Variants in GIGYF2 observed in about 807,000 individuals in gnomAD.
GIGYF2 encodes the protein GRB10-interacting GYF protein 2.
Under a neutral mutation model 208.1 loss-of-function variants are expected in GIGYF2, and 25 were observed. The observed-to-expected ratio is 0.12, with a 90% CI of 0.09 to 0.17. The LOEUF is 0.17. Among genes scored for constraint, GIGYF2 ranks in the 10% least tolerant of loss-of-function variants. The probability of loss-of-function intolerance (pLI) is 1.00; values close to 1 mark genes in which losing one functional copy is unlikely to be tolerated. For missense variants in GIGYF2, 1,302 were observed against 1,579.4 expected (o/e 0.82, Z 2.98); for synonymous variants, 534 against 543.8 (o/e 0.98, Z 0.25).
intron 8 of GIGYF2, among the ~76,000 whole-genome samples, chr2:232,762,311 GGT>G (rs1319191140): frequency 6.7e-6 from 1 of 149,488 alleles, no homozygotes; most frequent in Non-Finnish European, 1.5e-5. Context: ...GGAGTGCAAT[GGT>G]GTGGTCTCGG....
intron 2 of GIGYF2, among the ~76,000 whole-genome samples, chr2:232,731,614 A>C (rs1188625081): frequency 6.6e-6 from 1 of 152,170 alleles, no homozygotes; most frequent in Non-Finnish European, 1.5e-5. Flanking sequence ...AAACACACTG[A>C]ATTGATTTAT....
Position 232,778,004 on chromosome 2 carries a change from T to C in GIGYF2, c.533-9146T>C, listed in dbSNP as rs185925916. ...CTGTGTCACCCAGGCTGGAGTGCAG[T>C]GGTGTGATCACAGCTCACTGCAGCC... On this transcript the variant is annotated intron_variant, in intron 8 of 28. Transcript: ENST00000373563. Among the ~76,000 whole-genome samples, 9 of 152,216 alleles carry C rather than the reference T, an allele frequency of 5.9e-5. No homozygotes were observed. The East Asian group carries it at 1.7e-3, about 29-fold the overall frequency.
chr2:232,785,700 T>C (rs148131837), intron 8 of GIGYF2, among the ~76,000 whole-genome samples: 16 of 152,266 alleles, frequency 1.1e-4, no homozygotes, highest in African/African-American at 3.6e-4. Flanking sequence ...TGTCTTCCAT[T>C]CTCCCAAGAT....
At chr2:232,840,132 C>G (rs984774597) in intron 23 of GIGYF2, among the ~76,000 whole-genome samples, 161 bp downstream of exon 23, 4 of 152,126 alleles carry the variant, frequency 2.6e-5, no homozygotes, top group African/African-American at 9.7e-5. Flanking sequence ...GTTACCCTAG[C>G]AAATGTGAAG....
In GIGYF2 at chr2:232,749,002, C is replaced by T. The variant is rs1185342023; in HGVS notation, c.187C>T (p.Leu63=). Residue 63 remains leucine, a synonymous_variant, in exon 5 of 29, where the codon CTG becomes TTG. Coordinates refer to ENST00000373563, the MANE Select transcript of GIGYF2 (RefSeq NM_001103146.3). The stretch of plus-strand genomic sequence containing the variant: ...GGTCCTACAGATACCTTCAGACCTT[C>T]TGGATAAAGAATTTCTGCCTATCCT... ...LKDNKIPSDL[L]DKEFLPILQE... The T allele has an allele frequency of 1.3e-6, 2 of 1,578,910 alleles. No homozygotes were observed. Among genetic ancestry groups the T allele is most frequent in the East Asian group, 2.2e-5 (1 of 44,710 alleles).
chr2:232,710,406 A>T (rs1352874720), intron 2 of GIGYF2, among the ~76,000 whole-genome samples: 1 of 152,152 alleles, frequency 6.6e-6, no homozygotes, highest in Admixed American at 6.5e-5. Flanking sequence ...TGCGTTTTGA[A>T]TAGACATGTC....
chr2:232,797,826 C>T (rs563491802), intron 14 of GIGYF2, among the ~76,000 whole-genome samples: 5 of 151,930 alleles, frequency 3.3e-5, no homozygotes, highest in South Asian at 2.1e-4. Context: ...ACTAAAAATA[C>T]GAAAATTAGC....
intron 8 of GIGYF2, among the ~76,000 whole-genome samples, chr2:232,764,768 T>C (rs1330794138): frequency 6.6e-6 from 1 of 152,234 alleles, no homozygotes; most frequent in East Asian, 1.9e-4. Context: ...AGTGAGTTGA[T>C]AGAACAATAG....
chr2:232,852,858 A>T (rs1056689709), intron 28 of GIGYF2, among the ~76,000 whole-genome samples: 23 of 152,340 alleles, frequency 1.5e-4, no homozygotes, highest in African/African-American at 5.5e-4. Flanking sequence ...GACCGTTTGG[A>T]CTTAAATATT....
In GIGYF2 at chr2:232,836,286, A is replaced by T. The variant is rs530690836; in HGVS notation, c.2766+3193A>T. Among the ~76,000 whole-genome samples the T allele has an allele frequency of 1.5e-3, 10 of 6,488 alleles. 1 individual carries two copies. The highest frequency in any genetic ancestry group is 3.7e-3 in the African/African-American group (6 of 1,600). The allele number at this position is 6,488 out of a possible 152,430, so 4.3% of individuals were successfully genotyped here. ...TACATATATATATATATATATATAT[A>T]TATATATATATATATATATATATAT... On this transcript the variant is annotated intron_variant, in intron 22 of 28. Transcript: ENST00000373563.
chr2:232,828,471 G>C (rs112967879), intron 21 of GIGYF2, among the ~76,000 whole-genome samples: 2,732 of 149,616 alleles, frequency 0.018, 89 homozygotes, highest in African/African-American at 0.064. Flanking sequence ...TCGTTTGTTT[G>C]AGTCCAGGTC....
chr2:232,712,283 C>A (rs181570087), intron 2 of GIGYF2, among the ~76,000 whole-genome samples: 1 of 152,202 alleles, frequency 6.6e-6, no homozygotes, highest in East Asian at 1.9e-4. Flanking sequence ...AGCTTGTAAC[C>A]CAAAACAATT....
chr2:232,704,550 A>G (rs917743851), intron 2 of GIGYF2, among the ~76,000 whole-genome samples: 3 of 151,700 alleles, frequency 2.0e-5, no homozygotes, highest in African/African-American at 7.3e-5. Context: ...GATTACAGGT[A>G]TTCGCCACCA....
At chr2:232,837,979 G>C (rs1701696903) in intron 22 of GIGYF2, among the ~76,000 whole-genome samples, 1 of 152,090 alleles carries the variant, frequency 6.6e-6, no homozygotes, top group South Asian at 2.1e-4. Context: ...ATTTGCTTTT[G>C]ATTTGTCAAA....
chr2:232,796,420 C>T (rs1700224676), intron 14 of GIGYF2, among the ~76,000 whole-genome samples, 199 bp downstream of exon 14: 1 of 152,202 alleles, frequency 6.6e-6, no homozygotes, highest in South Asian at 2.1e-4. Context: ...TTGCATTGTA[C>T]ATACCAGTTG....
chr2:232,711,976 C>G, intron 2 of GIGYF2, among the ~76,000 whole-genome samples: 1 of 151,596 alleles, frequency 6.6e-6, no homozygotes, highest in East Asian at 1.9e-4. Flanking sequence ...GAATGGATAT[C>G]TTACATTATA....
At chr2:232,746,324 G>A (rs1698149881) in intron 3 of GIGYF2, among the ~76,000 whole-genome samples, 1 of 151,848 alleles carries the variant, frequency 6.6e-6, no homozygotes, top group African/African-American at 2.4e-5. Flanking sequence ...GTTTTACTTG[G>A]CCTTCATATT....
At chr2:232,763,405 A>G (rs1698823901) in intron 8 of GIGYF2, among the ~76,000 whole-genome samples, 1 of 152,238 alleles carries the variant, frequency 6.6e-6, no homozygotes, top group Non-Finnish European at 1.5e-5. Flanking sequence ...ACTGAATCCC[A>G]TAAATACTGT....
chr2:232,729,804 T>C lies in GIGYF2; in HGVS notation c.-43-5351T>C, dbSNP rs921921041. 2.3e-5 allele frequency: 17 copies of C among 747,484 alleles called. No individual in the cohort carries two copies. In the African/African-American group the frequency reaches 2.6e-4, roughly 11 times the overall value. The allele number at this position is 747,484 out of a possible 1,614,324, so 46.3% of individuals were successfully genotyped here. A position where few individuals can be genotyped will look rare whatever the true frequency, so the allele number is the denominator to read the frequency against. On this transcript the variant is annotated intron_variant, in intron 2 of 28. Transcript: ENST00000373563. The stretch of plus-strand genomic sequence containing the variant: ...AAGACTTGGCAACGAGTGCAGGTTT[T>C]TTGGCTTTCTTCGATTCATATTGTG...
Sources: gnomAD v4.1 joint callset for allele counts (sites outside exome capture counted in the v4.1 genomes callset) on GRCh38, gnomAD v4.1.1 for gene constraint, MANE v1.5 for transcripts, NCBI Gene and HGNC (gene_info 2026-07-23, HGNC 2026-07-21) for gene names.